KCNG3: variants seen among roughly 807,000 people sequenced by gnomAD.
KCNG3 encodes voltage-gated potassium channel regulatory subunit KCNG3.
A neutral mutation model predicts 29.0 loss-of-function variants in KCNG3; 15 were observed. The ratio of observed to expected loss-of-function variants is 0.52; its 90% CI spans 0.35 to 0.80. The LOEUF (loss-of-function observed/expected upper bound fraction) is 0.80. Among genes scored for constraint, KCNG3 ranks in the 30% least tolerant of loss-of-function variants. The pLI is 0.01. For missense variants in KCNG3, 512 were observed against 605.7 expected (o/e 0.85, Z 1.62); for synonymous variants, 322 against 248.9 (o/e 1.29, Z -2.76).
chr2:42,430,129 G>T, the KCNG3 span, among the ~76,000 whole-genome samples: 2 of 152,112 alleles, frequency 1.3e-5, no homozygotes, highest in African/African-American at 2.4e-5. Flanking sequence ...CAATTTGGGT[G>T]GCCAAGGCAG....
chr2:42,390,916 G>A, the KCNG3 span, among the ~76,000 whole-genome samples: 1 of 152,038 alleles, frequency 6.6e-6, no homozygotes, highest in Non-Finnish European at 1.5e-5. Context: ...GGTTCATTGG[G>A]GACACCTATT....
chr2:42,412,593 T>G, the KCNG3 span, among the ~76,000 whole-genome samples: 4 of 152,346 alleles, frequency 2.6e-5, no homozygotes, highest in Non-Finnish European at 5.9e-5. Flanking sequence ...AAGAAATGCA[T>G]GATTCTTATT....
the KCNG3 span, among the ~76,000 whole-genome samples, chr2:42,433,176 G>A: frequency 1.3e-5 from 2 of 152,188 alleles, no homozygotes; most frequent in Admixed American, 6.5e-5. Flanking sequence ...AAGATACCCA[G>A]ATTGAAAAGA....
chr2:42,468,025 C>A (rs1572853919), intron 1 of KCNG3, among the ~76,000 whole-genome samples: 1 of 149,532 alleles, frequency 6.7e-6, no homozygotes, highest in Non-Finnish European at 1.5e-5. Flanking sequence ...ACAGACAGTA[C>A]AAGAGAGAAA....
At chr2:42,416,053 G>C in the KCNG3 span, among the ~76,000 whole-genome samples, 1 of 151,980 alleles carries the variant, frequency 6.6e-6, no homozygotes, top group African/African-American at 2.4e-5. Flanking sequence ...AAATTAGCTG[G>C]GTGTGGTGGC....
intron 1 of KCNG3, among the ~76,000 whole-genome samples, chr2:42,448,865 C>G (rs1291937169): frequency 6.6e-6 from 1 of 151,844 alleles, no homozygotes; most frequent in Non-Finnish European, 1.5e-5. Context: ...GTAGTCCCAG[C>G]TACTTGGGAG....
At chr2:42,440,702 G>C (rs1040326252), downstream of KCNG3, among the ~76,000 whole-genome samples, 1 of 152,134 alleles carries the variant, frequency 6.6e-6, no homozygotes, top group Non-Finnish European at 1.5e-5. Context: ...GGTACTTATA[G>C]GTAATGACCA....
At position 42,466,689 on chromosome 2, in the gene KCNG3, T is replaced by C. The variant is rs943528082; in HGVS notation, c.666-22110A>G. On this transcript the variant is annotated intron_variant, in intron 1 of 1. Transcript: ENST00000306078. ...TTGGTGGGAGTACAGAATGGTAGAC[T>C]GGTACAAAAGTTAATTGTGGTTTTT... is the stretch of plus-strand genomic sequence containing the variant. 4.0e-5 allele frequency among the ~76,000 whole-genome samples: 6 copies of C among 151,602 alleles called. No homozygotes were observed. The South Asian group carries it at 8.4e-4, about 21-fold the overall frequency.
the KCNG3 span, among the ~76,000 whole-genome samples, chr2:42,392,011 A>T: frequency 6.6e-6 from 1 of 152,166 alleles, no homozygotes; most frequent in East Asian, 1.9e-4. Flanking sequence ...TTTTCCTACC[A>T]AAGATACAGC....
At chr2:42,464,809 G>C (rs1673100916) in intron 1 of KCNG3, among the ~76,000 whole-genome samples, 1 of 152,142 alleles carries the variant, frequency 6.6e-6, no homozygotes, top group Non-Finnish European at 1.5e-5. Flanking sequence ...ACAGCAGTCA[G>C]TGCTTATCTC....
At chr2:42,429,896 A>G in the KCNG3 span, among the ~76,000 whole-genome samples, 1 of 152,166 alleles carries the variant, frequency 6.6e-6, no homozygotes, top group African/African-American at 2.4e-5. Context: ...GAGGAAAGAG[A>G]ACAGAGCCAC....
At chr2:42,455,142 T>A (rs1435116412) in intron 1 of KCNG3, among the ~76,000 whole-genome samples, 1 of 152,154 alleles carries the variant, frequency 6.6e-6, no homozygotes, top group East Asian at 1.9e-4. Context: ...AATACAGAAC[T>A]TTTTTATCTT....
chr2:42,463,302 G>A, intron 1 of KCNG3: 1 of 185,920 alleles, frequency 5.4e-6, no homozygotes, highest in Non-Finnish European at 1.1e-5. Context: ...GCAGGCATCA[G>A]GGTCCATCTG....
intron 1 of KCNG3, among the ~76,000 whole-genome samples, chr2:42,490,736 C>T (rs1381892735): frequency 6.6e-6 from 1 of 152,158 alleles, no homozygotes; most frequent in Non-Finnish European, 1.5e-5. Context: ...TGTAAAGAGC[C>T]TTGAAGGCCA....
chr2:42,449,522 T>C (rs1461759209), intron 1 of KCNG3, among the ~76,000 whole-genome samples: 2 of 146,000 alleles, frequency 1.4e-5, no homozygotes, highest in African/African-American at 5.2e-5. Flanking sequence ...TTCTTTTTTT[T>C]TTTTTTTTTT....
the KCNG3 span, among the ~76,000 whole-genome samples, chr2:42,410,751 T>G: frequency 6.6e-6 from 1 of 152,156 alleles, no homozygotes; most frequent in South Asian, 2.1e-4. Context: ...TCCTTTAGGA[T>G]GTAGTTCCAA....
the KCNG3 span, among the ~76,000 whole-genome samples, chr2:42,409,809 A>C: frequency 6.6e-6 from 1 of 151,642 alleles, no homozygotes; most frequent in Non-Finnish European, 1.5e-5. Flanking sequence ...CTCCCAGGTA[A>C]CCTCTATTCT....
Position 42,444,821 on chromosome 2 carries a change from G to A in KCNG3, c.666-242C>T, listed in dbSNP as rs779298580. On this transcript the variant is annotated intron_variant, in intron 1 of 1. Coordinates refer to ENST00000306078, the MANE Select transcript of KCNG3 (RefSeq NM_133329.6). This position sits in a 1 kb window ranked among gnomAD's most constrained non-coding sequence, Gnocchi z 5.8. The stretch of plus-strand genomic sequence containing the variant: ...TCATGCATGTAATCCCAGGTCTTTG[G>A]AAGGCTGAGGTGGGTGAATCGCTTG... 3.8e-4 allele frequency among the ~76,000 whole-genome samples: 57 copies of A among 151,966 alleles called. No homozygotes were observed. Among genetic ancestry groups the A allele is most frequent in the Admixed American group, 6.6e-4 (10 of 15,234 alleles).
downstream of KCNG3, among the ~76,000 whole-genome samples, chr2:42,441,314 G>C (rs1325128014): frequency 6.6e-6 from 1 of 152,194 alleles, no homozygotes; most frequent in Admixed American, 6.5e-5. Context: ...CTTGAGCCCA[G>C]GAGTTCAAAA....
Sources: gnomAD v4.1 joint callset for allele counts (sites outside exome capture counted in the v4.1 genomes callset) on GRCh38, gnomAD v4.1.1 for gene constraint, Gnocchi (gnomAD v3.1) non-coding constraint, MANE v1.5 for transcripts, NCBI Gene and HGNC (gene_info 2026-07-23, HGNC 2026-07-21) for gene names.